The following TFB1M variants were observed in gnomAD, a reference collection of about 807,000 sequenced individuals.
TFB1M encodes transcription factor B1, mitochondrial.
In TFB1M, 27 loss-of-function variants were observed where a neutral mutation model predicts 31.1. The ratio of observed to expected loss-of-function variants is 0.87; its 90% CI spans 0.64 to 1.20. The LOEUF (loss-of-function observed/expected upper bound fraction) is 1.20. Among genes scored for constraint, TFB1M ranks in the 50% most tolerant of loss-of-function variants. The pLI is 0.00. For synonymous variants in TFB1M, 166 were observed against 151.8 expected, an observed-to-expected ratio of 1.09 and a Z score of -0.69; for missense variants, 394 against 418.7, an observed-to-expected ratio of 0.94 and a Z score of 0.51.
intron 2 of TFB1M, among the ~76,000 whole-genome samples, chr6:155,302,575 G>A (rs335352): frequency 0.67 from 101,798 of 151,860 alleles, 34,484 homozygotes; most frequent in East Asian, 0.98. Context: ...AAAAATGTAC[G>A]TTTTCAGACT....
At chr6:155,299,834 A>G (rs1460904636) in intron 2 of TFB1M, among the ~76,000 whole-genome samples, 1 of 152,180 alleles carries the variant, frequency 6.6e-6, no homozygotes, top group Non-Finnish European at 1.5e-5. Context: ...GAGACACTGG[A>G]CCAAGAAACA....
chr6:155,239,163 A>G, the TFB1M span, among the ~76,000 whole-genome samples: 168 of 152,360 alleles, frequency 1.1e-3, no homozygotes, highest in African/African-American at 3.9e-3. Context: ...TGAGAAGTTC[A>G]GCTTCTTACC....
chr6:155,230,430 T>G, the TFB1M span, among the ~76,000 whole-genome samples: 4 of 152,220 alleles, frequency 2.6e-5, no homozygotes, highest in Admixed American at 6.5e-5. Flanking sequence ...TGTCCTTGCT[T>G]CAACCAGAGT....
intron 5 of TFB1M, among the ~76,000 whole-genome samples, chr6:155,266,113 C>A (rs1784622331): frequency 6.6e-6 from 1 of 152,164 alleles, no homozygotes; most frequent in Non-Finnish European, 1.5e-5. Flanking sequence ...TGACAACACC[C>A]TCACAGATAC....
At chr6:155,258,739 T>C (rs552348058) in intron 6 of TFB1M, among the ~76,000 whole-genome samples, 3 of 152,232 alleles carry the variant, frequency 2.0e-5, no homozygotes, top group Non-Finnish European at 4.4e-5. Flanking sequence ...TCAGGGCTCT[T>C]ACAGAGCTCA....
chr6:155,239,111 C>T, the TFB1M span, among the ~76,000 whole-genome samples: 1 of 152,102 alleles, frequency 6.6e-6, no homozygotes, highest in Non-Finnish European at 1.5e-5. Context: ...CTGCAATATC[C>T]AAGGAAAGAA....
intron 5 of TFB1M, among the ~76,000 whole-genome samples, chr6:155,272,079 T>C (rs1486814533): frequency 6.6e-6 from 1 of 152,218 alleles, no homozygotes; most frequent in African/African-American, 2.4e-5. Context: ...TTTATAAACA[T>C]ATCCAGAATT....
chr6:155,251,679 A>T (rs73008604), downstream of TFB1M, among the ~76,000 whole-genome samples: 2,035 of 152,346 alleles, frequency 0.013, 30 homozygotes, highest in Non-Finnish European at 0.02. Context: ...ACTGAGATGA[A>T]CACAGTGTCC....
At chr6:155,286,649 G>A (rs548081774) in intron 4 of TFB1M, among the ~76,000 whole-genome samples, 87 of 139,214 alleles carry the variant, frequency 6.2e-4, no homozygotes, top group African/African-American at 2.1e-3. Context: ...GTGTGTGTGT[G>A]TATATATATA....
the TFB1M span, among the ~76,000 whole-genome samples, chr6:155,234,483 G>A: frequency 6.6e-6 from 1 of 152,212 alleles, no homozygotes; most frequent in East Asian, 1.9e-4. Context: ...GTCCAGGATA[G>A]TCTTGACCTC....
At chr6:155,248,285 G>A in the TFB1M span, 49 of 1,302,600 alleles carry the variant, frequency 3.8e-5, no homozygotes, top group East Asian at 3.0e-4. Flanking sequence ...CTAGTGGCAC[G>A]TCCTAAGTCA....
chr6:155,247,213 G>A, the TFB1M span, among the ~76,000 whole-genome samples: 1 of 152,228 alleles, frequency 6.6e-6, no homozygotes, highest in Non-Finnish European at 1.5e-5. Context: ...TAAGTGTACA[G>A]AATACAAATA....
chr6:155,247,989 T>C, the TFB1M span: 1 of 1,612,566 alleles, frequency 6.2e-7, no homozygotes, highest in Non-Finnish European at 8.5e-7. Context: ...CTTTTATCCA[T>C]CTGCTTGTAG....
rs140003505 is a variant in TFB1M, at chr6:155,304,411, G to A, written c.286-5826C>T. ...GAAGAATCCTGAAACTTCCTACTCCGACAAAGATGGAGTCTAAGGGACCAG... is the reference window on the plus strand; with the variant it reads ...GAAGAATCCTGAAACTTCCTACTCCAACAAAGATGGAGTCTAAGGGACCAG... On this transcript the variant is annotated intron_variant, in intron 2 of 6. Coordinates refer to ENST00000367166, the MANE Select transcript of TFB1M (RefSeq NM_016020.4). 7.4e-3 allele frequency among the ~76,000 whole-genome samples: 1,132 copies of A among 152,180 alleles called. 12 individuals carry two copies. The highest frequency in any genetic ancestry group is 0.026 in the African/African-American group (1,063 of 41,502).
At chr6:155,276,394 C>A (rs777641660) in intron 5 of TFB1M, 23 of 1,589,456 alleles carry the variant, frequency 1.4e-5, no homozygotes, top group Non-Finnish European at 2.0e-5. Flanking sequence ...CTGAGTAATG[C>A]ATATGAAATG....
the TFB1M span, among the ~76,000 whole-genome samples, chr6:155,239,789 A>C: frequency 6.6e-6 from 1 of 152,088 alleles, no homozygotes. Flanking sequence ...CTCCTCGCAG[A>C]GGTTTCCTCT....
intron 5 of TFB1M, among the ~76,000 whole-genome samples, chr6:155,267,274 C>G (rs186676829): frequency 8.5e-5 from 13 of 152,294 alleles, no homozygotes; most frequent in African/African-American, 2.2e-4. Flanking sequence ...CACACCTGGC[C>G]GTAGAATATG....
the TFB1M span, among the ~76,000 whole-genome samples, chr6:155,247,603 C>T: frequency 1.3e-5 from 2 of 152,214 alleles, no homozygotes; most frequent in African/African-American, 2.4e-5. Context: ...GCTGGGATTA[C>T]GGGCGTGAGC....
chr6:155,307,019 G>A (rs1414895699), intron 2 of TFB1M, among the ~76,000 whole-genome samples: 1 of 152,038 alleles, frequency 6.6e-6, no homozygotes, highest in Admixed American at 6.6e-5. Context: ...TACTCAAGAG[G>A]CTGAAGTGGG....
Sources: gnomAD v4.1 joint callset for allele counts (sites outside exome capture counted in the v4.1 genomes callset) on GRCh38, gnomAD v4.1.1 for gene constraint, MANE v1.5 for transcripts, NCBI Gene and HGNC (gene_info 2026-07-23, HGNC 2026-07-21) for gene names.